Variants in POU6F2 observed in about 807,000 individuals in gnomAD.
POU6F2 encodes POU class 6 homeobox 2.
In POU6F2, 31 loss-of-function variants were observed where a neutral mutation model predicts 71.3. The ratio of observed to expected loss-of-function variants is 0.43; its 90% CI spans 0.33 to 0.59. The LOEUF is 0.59. Among genes scored for constraint, POU6F2 ranks in the 20% least tolerant of loss-of-function variants. The probability of loss-of-function intolerance (pLI) is 0.04; values close to 1 mark genes in which losing one functional copy is unlikely to be tolerated. For synonymous variants in POU6F2, 347 were observed against 355.7 expected (o/e 0.98, Z 0.27); for missense variants, 783 against 856.8 (o/e 0.91, Z 1.07).
chr7:39,256,869 T>C (rs941481277), intron 4 of POU6F2, among the ~76,000 whole-genome samples: 1 of 152,082 alleles, frequency 6.6e-6, no homozygotes, highest in Non-Finnish European at 1.5e-5. Flanking sequence ...GGAAGAAACA[T>C]AGCCCAGCCG....
intron 1 of POU6F2, among the ~76,000 whole-genome samples, chr7:39,060,474 A>T (rs1225232365): frequency 6.6e-6 from 1 of 152,242 alleles, no homozygotes; most frequent in South Asian, 2.1e-4. Flanking sequence ...AGTTAAAAGA[A>T]AAAAGTTCTC....
chr7:39,317,776 TCTC>T (rs1463741142), intron 4 of POU6F2, among the ~76,000 whole-genome samples: 1 of 152,200 alleles, frequency 6.6e-6, no homozygotes, highest in Non-Finnish European at 1.5e-5. Context: ...CCTACCTTCT[TCTC>T]TGTGTGCACT....
chr7:39,126,592 A>G (rs1792141821), intron 2 of POU6F2, among the ~76,000 whole-genome samples: 2 of 152,230 alleles, frequency 1.3e-5, no homozygotes, highest in African/African-American at 4.8e-5. Flanking sequence ...CTATGTTTAG[A>G]AATGAAAATA....
At chr7:39,286,026 C>A (rs979706742) in intron 4 of POU6F2, among the ~76,000 whole-genome samples, 3 of 152,196 alleles carry the variant, frequency 2.0e-5, no homozygotes, top group African/African-American at 7.2e-5. Flanking sequence ...AGTCCATGAG[C>A]TTCTCTTCCC....
chr7:38,990,557 T>C (rs766850833), intron 1 of POU6F2, among the ~76,000 whole-genome samples: 1 of 152,198 alleles, frequency 6.6e-6, no homozygotes, highest in Non-Finnish European at 1.5e-5. Flanking sequence ...GAAAACAAAA[T>C]GCTGATTTGG....
Position 38,985,328 on chromosome 7 carries a change from A to T in POU6F2, c.105+7270A>T, listed in dbSNP as rs574652493. On this transcript the variant is annotated intron_variant, in intron 1 of 9. Coordinates refer to ENST00000518318, the MANE Select transcript of POU6F2 (RefSeq NM_001370959.1). ...AAAATGCTGCTTAATGGGCACAAAT[A>T]AAACAAGAACATCAAACTCATTTCA... 9.8e-5 allele frequency among the ~76,000 whole-genome samples: 15 copies of T among 152,292 alleles called. No individual in the cohort carries two copies. In the East Asian group the frequency reaches 2.9e-3, roughly 29 times the overall value.
Position 39,439,871 on chromosome 7 carries a change from G to A in POU6F2, c.1320+6588G>A, listed in dbSNP as rs191696944. The stretch of plus-strand genomic sequence containing the variant: ...TCTTTCAGGAGCTCTTGCAGAGCAG[G>A]TATGGTGGTAAAAAAAATGCCTCAG... On this transcript the variant is annotated intron_variant, in intron 7 of 9. Transcript: ENST00000518318. Among the ~76,000 whole-genome samples the A allele has an allele frequency of 7.9e-3, 1,048 of 133,276 alleles. 9 individuals carry two copies. Among genetic ancestry groups the A allele is most frequent in the Admixed American group, 0.011 (154 of 13,738 alleles). 87.4% of individuals were successfully genotyped at this position (133,276 alleles called of 152,430 possible).
At chr7:38,994,373 T>C (rs1402646369) in intron 1 of POU6F2, among the ~76,000 whole-genome samples, 2 of 152,048 alleles carry the variant, frequency 1.3e-5, no homozygotes, top group African/African-American at 4.8e-5. Context: ...GGGAATTGAT[T>C]CTGCAGGTCC....
rs1789034329 is a variant in POU6F2 at position 39,464,928 on chromosome 7, C to T, written c.*242C>T. ...AAATTTTTAAACAAGGAATACACCA[C>T]ACTGAAGGTGTGTGTGGTAGGATAG... is the stretch of plus-strand genomic sequence containing the variant. On this transcript the variant is annotated 3_prime_UTR_variant, in exon 10 of 10. Coordinates refer to ENST00000518318, the MANE Select transcript of POU6F2 (RefSeq NM_001370959.1). The surrounding 1 kb of genome is among the most constrained non-coding windows in gnomAD (Gnocchi z 4.1). 2 of 537,300 alleles carry T rather than the reference C, an allele frequency of 3.7e-6. No individual in the cohort carries two copies. The highest frequency in any genetic ancestry group is 6.4e-5 in the East Asian group (2 of 31,476). 33.3% of individuals were successfully genotyped at this position (537,300 alleles called of 1,614,324 possible).
intron 2 of POU6F2, among the ~76,000 whole-genome samples, chr7:39,187,046 A>C (rs1187608643): frequency 6.6e-6 from 1 of 152,248 alleles, no homozygotes; most frequent in African/African-American, 2.4e-5. Context: ...AAGAAAGCTT[A>C]CATTTATTGT....
chr7:39,222,614 T>C (rs774281797), intron 4 of POU6F2, among the ~76,000 whole-genome samples: 20 of 152,200 alleles, frequency 1.3e-4, no homozygotes, highest in Non-Finnish European at 7.3e-5. Context: ...TCTGTCTCTA[T>C]GAATTTGACC....
intron 2 of POU6F2, among the ~76,000 whole-genome samples, chr7:39,105,762 A>G (rs1250456898): frequency 6.6e-6 from 1 of 152,240 alleles, no homozygotes; most frequent in African/African-American, 2.4e-5. Flanking sequence ...TTATTAACAG[A>G]AAAAGTCATG....
chr7:39,345,291 C>T (rs1786008355), intron 5 of POU6F2, among the ~76,000 whole-genome samples: 1 of 152,174 alleles, frequency 6.6e-6, no homozygotes, highest in Non-Finnish European at 1.5e-5. Flanking sequence ...ATCTCACCCT[C>T]ATCCCTCTCA....
intron 2 of POU6F2, 34 bp downstream of exon 2, chr7:39,086,065 C>T: frequency 1.3e-6 from 2 of 1,598,264 alleles, no homozygotes; most frequent in Non-Finnish European, 1.7e-6. Context: ...TTCAGTACTA[C>T]CATGTTGTCC....
At chr7:39,043,893 C>T (rs1045252291) in intron 1 of POU6F2, among the ~76,000 whole-genome samples, 1 of 151,894 alleles carries the variant, frequency 6.6e-6, no homozygotes, top group African/African-American at 2.4e-5. Context: ...TCAGGAATCC[C>T]ATAATGCTCT....
chr7:38,980,678 T>TA (rs926756782), intron 1 of POU6F2, among the ~76,000 whole-genome samples: 3 of 152,224 alleles, frequency 2.0e-5, no homozygotes, highest in African/African-American at 7.2e-5. Flanking sequence ...TCTGCTCAAA[T>TA]ACGTTTTGGA....
intron 1 of POU6F2, among the ~76,000 whole-genome samples, chr7:39,054,383 A>G (rs1790463894): frequency 6.6e-6 from 1 of 152,172 alleles, no homozygotes; most frequent in Admixed American, 6.6e-5. Flanking sequence ...TAAGACGAAT[A>G]AGCCACAGGA....
At chr7:39,395,998 C>T (rs1787166965) in intron 5 of POU6F2, among the ~76,000 whole-genome samples, 1 of 152,132 alleles carries the variant, frequency 6.6e-6, no homozygotes, top group Non-Finnish European at 1.5e-5. Context: ...AACTAATGTG[C>T]CATGACAATA....
At chr7:39,076,859 A>C (rs1255446930) in intron 1 of POU6F2, among the ~76,000 whole-genome samples, 2 of 118,430 alleles carry the variant, frequency 1.7e-5, no homozygotes, top group Admixed American at 9.6e-5. Flanking sequence ...AAAGGTTGCA[A>C]ATGTTGAGAT....
Sources: allele counts gnomAD v4.1 joint callset (sites outside exome capture counted in the v4.1 genomes callset), GRCh38; gene constraint gnomAD v4.1.1; non-coding constraint Gnocchi (gnomAD v3.1); transcripts MANE v1.5; gene names NCBI Gene and HGNC (gene_info 2026-07-23, HGNC 2026-07-21).